JAKMIP2: variants seen among roughly 807,000 people sequenced by gnomAD.
The protein encoded by JAKMIP2 is janus kinase and microtubule-interacting protein 2.
A neutral mutation model predicts 115.0 loss-of-function variants in JAKMIP2; 25 were observed. That is an observed-to-expected ratio of 0.22 (90% CI 0.16 to 0.30). The LOEUF (loss-of-function observed/expected upper bound fraction) is 0.30, where lower values mean the gene tolerates loss of function less well. Ranked by LOEUF, JAKMIP2 falls within the 10% of genes least tolerant of loss-of-function variation. The pLI is 1.00. For missense variants in JAKMIP2, 642 were observed against 957.6 expected, an observed-to-expected ratio of 0.67 and a Z score of 4.35; for synonymous variants, 334 against 343.6, an observed-to-expected ratio of 0.97 and a Z score of 0.31.
At chr5:147,599,740 A>G (rs1216929512) in intron 21 of JAKMIP2, among the ~76,000 whole-genome samples, 3 of 152,134 alleles carry the variant, frequency 2.0e-5, no homozygotes, top group African/African-American at 7.2e-5. Flanking sequence ...GCCCTTTTTT[A>G]CTTGTGAGGC....
intron 1 of JAKMIP2, among the ~76,000 whole-genome samples, chr5:147,750,850 C>G (rs902994954): frequency 6.6e-6 from 1 of 152,050 alleles, no homozygotes. Context: ...CATTGGCAAG[C>G]CAGCAAGAAA....
At chr5:147,721,372 T>C (rs1753278452) in intron 1 of JAKMIP2, among the ~76,000 whole-genome samples, 1 of 152,358 alleles carries the variant, frequency 6.6e-6, no homozygotes, top group Admixed American at 6.5e-5. Context: ...TGTGGTGGGC[T>C]CCGCCCAGTT....
At chr5:147,680,428 T>A (rs1475475969) in intron 1 of JAKMIP2, among the ~76,000 whole-genome samples, 2 of 152,204 alleles carry the variant, frequency 1.3e-5, no homozygotes, top group African/African-American at 4.8e-5. Flanking sequence ...TCATTATTAA[T>A]CTCAAGGTTT....
At chr5:147,701,445 C>G (rs1000789494) in intron 1 of JAKMIP2, among the ~76,000 whole-genome samples, 2 of 152,130 alleles carry the variant, frequency 1.3e-5, no homozygotes, top group Non-Finnish European at 2.9e-5. Context: ...AAAATTCATA[C>G]GTTGAAATCT....
chr5:147,718,623 G>C (rs1432779025), intron 1 of JAKMIP2, among the ~76,000 whole-genome samples: 4 of 151,800 alleles, frequency 2.6e-5, no homozygotes, highest in African/African-American at 9.7e-5. Flanking sequence ...AGATTTTCTA[G>C]TTTATTTGCA....
chr5:147,747,715 TGCCCCAGCATTTCACCTCA>T, intron 1 of JAKMIP2, among the ~76,000 whole-genome samples: 1 of 152,198 alleles, frequency 6.6e-6, no homozygotes, highest in Non-Finnish European at 1.5e-5. Flanking sequence ...TTATTTAAAC[TGCCCCAGCATTTCACCTCA>T]GCCTACCTTT....
intron 21 of JAKMIP2, among the ~76,000 whole-genome samples, chr5:147,596,939 T>G (rs1755419885): frequency 6.6e-6 from 1 of 152,246 alleles, no homozygotes; most frequent in African/African-American, 2.4e-5. Flanking sequence ...TGGTACAATC[T>G]TGGCTCACTG....
chr5:147,758,284 C>T (rs535215649), intron 1 of JAKMIP2, among the ~76,000 whole-genome samples: 283 of 152,220 alleles, frequency 1.9e-3, no homozygotes, highest in Middle Eastern at 0.01. Flanking sequence ...TAAATAATTT[C>T]TGTTGGTAAC....
intron 1 of JAKMIP2, among the ~76,000 whole-genome samples, chr5:147,690,324 C>A (rs1220068978): frequency 1.3e-5 from 2 of 151,756 alleles, no homozygotes; most frequent in Admixed American, 6.6e-5. Context: ...CAGATTGAGA[C>A]CCTGTCCCTA....
intron 5 of JAKMIP2, among the ~76,000 whole-genome samples, chr5:147,647,719 T>C (rs6859329): frequency 0.18 from 27,617 of 152,132 alleles, 4,719 homozygotes; most frequent in East Asian, 0.46. Flanking sequence ...TCATTATTGG[T>C]GGGAATTGTG....
At chr5:147,611,889 T>C (rs10039022) in intron 20 of JAKMIP2, among the ~76,000 whole-genome samples, 144,828 of 152,256 alleles carry the variant, frequency 0.95, 69,286 homozygotes, top group East Asian at 1. Context: ...AGTTTCTGAA[T>C]TTACTGTTAA....
intron 1 of JAKMIP2, among the ~76,000 whole-genome samples, chr5:147,687,627 G>A (rs970483485): frequency 4.6e-5 from 7 of 152,174 alleles, no homozygotes; most frequent in African/African-American, 9.7e-5. Context: ...CATGCAGAAG[G>A]AGGAGAGAAT....
intron 1 of JAKMIP2, among the ~76,000 whole-genome samples, chr5:147,760,139 T>C (rs934309816): frequency 2.0e-5 from 3 of 152,008 alleles, no homozygotes; most frequent in Admixed American, 2.0e-4. Flanking sequence ...AGCATGCATA[T>C]GAGTAAAGAA....
At chr5:147,685,121 T>C (rs1760506796) in intron 1 of JAKMIP2, among the ~76,000 whole-genome samples, 1 of 152,188 alleles carries the variant, frequency 6.6e-6, no homozygotes, top group African/African-American at 2.4e-5. Flanking sequence ...TTACGCAAAG[T>C]CACAGTGCTA....
At chr5:147,763,691 C>T (rs1755013164) in intron 1 of JAKMIP2, among the ~76,000 whole-genome samples, 1 of 152,032 alleles carries the variant, frequency 6.6e-6, no homozygotes, top group African/African-American at 2.4e-5. Context: ...ATGGAGAGGG[C>T]TTAACAATAG....
In JAKMIP2 at chr5:147,654,453, G is replaced by A. The variant is rs781026775; in HGVS notation, c.628-3906C>T. 3.9e-5 allele frequency among the ~76,000 whole-genome samples: 6 copies of A among 152,058 alleles called. No homozygotes were observed. In the South Asian group the frequency reaches 1.0e-3, roughly 26 times the overall value. ...TGTCCCTTGTAAGCTGTATTCCTAG[G>A]TATTTTATTCTCTTTGTAGCAATTG... On this transcript the variant is annotated intron_variant, in intron 3 of 21. Coordinates refer to ENST00000616793, the MANE Select transcript of JAKMIP2 (RefSeq NM_001270941.2).
At chr5:147,629,002 C>T (rs1028839969) in intron 15 of JAKMIP2, among the ~76,000 whole-genome samples, 186 bp from the exon 16 acceptor site, 2 of 152,066 alleles carry the variant, frequency 1.3e-5, no homozygotes, top group Non-Finnish European at 1.5e-5. Context: ...GTATATTAAA[C>T]GTGATTTTTT....
intron 17 of JAKMIP2, among the ~76,000 whole-genome samples, chr5:147,623,399 G>C (rs1033549655): frequency 6.6e-6 from 1 of 152,038 alleles, no homozygotes; most frequent in South Asian, 2.1e-4. Flanking sequence ...TTCGGCATTA[G>C]TTTTGGATAT....
At chr5:147,669,463 G>C (rs865840809) in intron 2 of JAKMIP2, among the ~76,000 whole-genome samples, 1 of 152,174 alleles carries the variant, frequency 6.6e-6, no homozygotes, top group African/African-American at 2.4e-5. Flanking sequence ...CAGGCAGCCT[G>C]GTTCAAACTT....
Sources: gnomAD v4.1 joint callset for allele counts (sites outside exome capture counted in the v4.1 genomes callset) on GRCh38, gnomAD v4.1.1 for gene constraint, MANE v1.5 for transcripts, NCBI Gene and HGNC (gene_info 2026-07-23, HGNC 2026-07-21) for gene names.